SYTL2: variants seen among roughly 807,000 people sequenced by gnomAD.
SYTL2 encodes the protein synaptotagmin like 2.
In SYTL2, 165 loss-of-function variants were observed where a neutral mutation model predicts 198.7. The observed-to-expected ratio is 0.83, with a 90% CI of 0.73 to 0.94. The LOEUF (loss-of-function observed/expected upper bound fraction) is 0.94. Ranked by LOEUF, SYTL2 falls within the 40% of genes least tolerant of loss-of-function variation. SYTL2 has a pLI of 0.00. For synonymous variants in SYTL2, 966 were observed against 917.7 expected (o/e 1.05, Z -0.95); for missense variants, 2,835 against 2,582.8 (o/e 1.10, Z -2.12).
chr11:85,776,357 G>A (rs940475725), intron 1 of SYTL2, among the ~76,000 whole-genome samples: 8 of 152,098 alleles, frequency 5.3e-5, no homozygotes, highest in East Asian at 3.8e-4. Flanking sequence ...CCATCAACCC[G>A]TCATCTACAT....
intron 2 of SYTL2, among the ~76,000 whole-genome samples, chr11:85,748,974 TGGA>T (rs1372197645): frequency 6.6e-6 from 1 of 152,152 alleles, no homozygotes; most frequent in African/African-American, 2.4e-5. Flanking sequence ...TGGAAGCCTG[TGGA>T]GGAGGAGTGA....
chr11:85,786,842 G>A (rs1401722145), intron 1 of SYTL2, among the ~76,000 whole-genome samples: 2 of 152,190 alleles, frequency 1.3e-5, no homozygotes, highest in African/African-American at 4.8e-5. Flanking sequence ...AAAAGGTCAT[G>A]AAGTAAGCAT....
intron 15 of SYTL2, among the ~76,000 whole-genome samples, chr11:85,706,752 T>C (rs766488904): frequency 3.9e-5 from 6 of 152,164 alleles, no homozygotes; most frequent in Non-Finnish European, 1.5e-5. Flanking sequence ...AGCAGAAAAA[T>C]AGCATAATCA....
the SYTL2 span, chr11:85,852,865 C>T: frequency 2.9e-5 from 7 of 244,354 alleles, no homozygotes; most frequent in Non-Finnish European, 4.9e-5. Context: ...CCCCTCTGCC[C>T]GCCTGCCCAG....
At position 85,757,903 on chromosome 11, in the gene SYTL2, T is replaced by A; in HGVS notation, c.-178A>T. ...TTTAGGGCAGCTGATAGCAAGATCC[T>A]AAGTGCTCTTTCCCATGAGGAAGTC... is the stretch of plus-strand genomic sequence containing the variant. On this transcript the variant is annotated 5_prime_UTR_variant, in exon 2 of 20. It removes the in-frame stop codon of an upstream open reading frame in the 5' UTR. Coordinates refer to ENST00000359152, the MANE Select transcript of SYTL2 (RefSeq NM_206927.4). 1 of 742,870 alleles carries A rather than the reference T, an allele frequency of 1.3e-6. No individual in the cohort carries two copies. Among genetic ancestry groups the A allele is most frequent in the Non-Finnish European group, 2.1e-6 (1 of 466,170 alleles). The allele number at this position is 742,870 out of a possible 1,614,324, so 46.0% of individuals were successfully genotyped here. A position where few individuals can be genotyped will look rare whatever the true frequency, so the allele number is the denominator to read the frequency against.
At chr11:85,848,373 T>C in the SYTL2 span, among the ~76,000 whole-genome samples, 1 of 152,126 alleles carries the variant, frequency 6.6e-6, no homozygotes, top group Non-Finnish European at 1.5e-5. Context: ...GTGTCCTATA[T>C]AACACTTGGC....
At chr11:85,744,544 A>G (rs970167105) in intron 4 of SYTL2, among the ~76,000 whole-genome samples, 1 of 152,242 alleles carries the variant, frequency 6.6e-6, no homozygotes, top group Non-Finnish European at 1.5e-5. Context: ...TAGAGTACCC[A>G]TAGAGTCAGT....
chr11:85,796,371 T>C (rs1443916172), intron 1 of SYTL2, among the ~76,000 whole-genome samples: 4 of 152,196 alleles, frequency 2.6e-5, no homozygotes, highest in Non-Finnish European at 4.4e-5. Context: ...AACTCTTATT[T>C]TGGGGCAGGA....
chr11:85,730,397 G>A (rs2089678382), intron 7 of SYTL2, among the ~76,000 whole-genome samples: 1 of 152,136 alleles, frequency 6.6e-6, no homozygotes, highest in South Asian at 2.1e-4. Context: ...TATCGACTAT[G>A]ATCAAGTCAG....
Position 85,734,628 on chromosome 11 carries a change from G to C in SYTL2, c.701C>G (p.Pro234Arg). The change falls in exon 7 of 20, where the codon CCA becomes CGA. Residue 234 changes from proline to arginine, a missense_variant. Pro to Arg is a moderately radical substitution (Grantham distance 103). This residue lies in a region of SYTL2 where 2,645 missense variants were observed against 2,381.7 expected (regional missense o/e 1.11). Transcript: ENST00000359152. ...GLSNGSQIKA[P>R]IPKARKMIYK... Reference sequence around the variant, plus strand: ...GATCATCTTCCTGGCTTTGGGGATTGGAGCCTTGATTTGGGACCCATTTGA... The same window carrying C: ...GATCATCTTCCTGGCTTTGGGGATTCGAGCCTTGATTTGGGACCCATTTGA... 2.5e-6 allele frequency: 4 copies of C among 1,614,132 alleles called. No homozygotes were observed. Among genetic ancestry groups the C allele is most frequent in the Non-Finnish European group, 3.4e-6 (4 of 1,180,006 alleles).
intron 1 of SYTL2, among the ~76,000 whole-genome samples, chr11:85,786,461 G>A (rs2092637816): frequency 6.6e-6 from 1 of 152,198 alleles, no homozygotes; most frequent in African/African-American, 2.4e-5. Context: ...TACTATAGTT[G>A]TACAAAATGT....
At chr11:85,723,428 G>T (rs969323879) in intron 8 of SYTL2, among the ~76,000 whole-genome samples, 1 of 152,216 alleles carries the variant, frequency 6.6e-6, no homozygotes, top group East Asian at 1.9e-4. Flanking sequence ...GGTATCTGAG[G>T]GAAGGAAAGT....
chr11:85,811,829 G>A (rs1450302696), upstream of SYTL2, among the ~76,000 whole-genome samples: 1 of 152,260 alleles, frequency 6.6e-6, no homozygotes, highest in East Asian at 1.9e-4. Flanking sequence ...GGTCGGGCGC[G>A]GTGGCTCACA....
intron 10 of SYTL2, chr11:85,718,109 T>A (rs73502585): frequency 0.052 from 8,887 of 169,524 alleles, 843 homozygotes; most frequent in African/African-American, 0.2. Flanking sequence ...GTAAATAAAA[T>A]CCAGCATGCA....
chr11:85,843,637 A>G, the SYTL2 span, among the ~76,000 whole-genome samples: 2 of 152,158 alleles, frequency 1.3e-5, no homozygotes, highest in African/African-American at 4.8e-5. Context: ...TAGGTGGAGA[A>G]AGCCCTCTCT....
intron 1 of SYTL2, among the ~76,000 whole-genome samples, chr11:85,761,293 G>T (rs749923897): frequency 4.6e-5 from 7 of 152,254 alleles, no homozygotes; most frequent in Non-Finnish European, 8.8e-5. Flanking sequence ...ATTTTAAAGA[G>T]AGTGGTTAGG....
At position 85,694,444 on chromosome 11, in the gene SYTL2, G is replaced by A. The variant is rs933554613; in HGVS notation, c.*751C>T. 2.0e-5 allele frequency: 3 copies of A among 152,054 alleles called. No individual in the cohort carries two copies. The highest frequency in any genetic ancestry group is 2.9e-5 in the Non-Finnish European group (2 of 67,996). 9.4% of individuals were successfully genotyped at this position (152,054 alleles called of 1,614,324 possible). A position where few individuals can be genotyped will look rare whatever the true frequency, so the allele number is the denominator to read the frequency against. ...TCTTATGCTGCTTTCATATAGTAAA[G>A]TTATAAGAAAAACAATCATATATAT... is the stretch of plus-strand genomic sequence containing the variant. On this transcript the variant is annotated 3_prime_UTR_variant, in exon 20 of 20. Transcript: ENST00000359152.
At chr11:85,719,348 G>C (rs1565907130) in intron 9 of SYTL2, 1 of 1,141,722 alleles carries the variant, frequency 8.8e-7, no homozygotes, top group Non-Finnish European at 1.1e-6. Flanking sequence ...TGTGAGAGTG[G>C]GTATCAGTAT....
At chr11:85,756,741 A>G (rs1362413985) in intron 2 of SYTL2, among the ~76,000 whole-genome samples, 1 of 152,220 alleles carries the variant, frequency 6.6e-6, no homozygotes, top group Non-Finnish European at 1.5e-5. Flanking sequence ...AGTGAATTCT[A>G]GCATGTTCTT....
Sources: allele counts gnomAD v4.1 joint callset (sites outside exome capture counted in the v4.1 genomes callset), GRCh38; gene constraint gnomAD v4.1.1; regional missense constraint gnomAD v4.1.1; transcripts MANE v1.5; gene names NCBI Gene and HGNC (gene_info 2026-07-23, HGNC 2026-07-21).